Variants in USP18 observed in about 807,000 individuals in gnomAD.
The protein encoded by USP18 is ubiquitin specific peptidase 18, also known as ubl carboxyl-terminal hydrolase 18.
Under a neutral mutation model 48.7 loss-of-function variants are expected in USP18, and 11 were observed. That is an observed-to-expected ratio of 0.23 (90% CI 0.14 to 0.37). USP18 has a LOEUF of 0.37. USP18 is among the 10% of genes least tolerant of loss of function. The pLI is 1.00. For missense variants in USP18, 285 were observed against 436.4 expected, an observed-to-expected ratio of 0.65 and a Z score of 3.09; for synonymous variants, 114 against 163.2, an observed-to-expected ratio of 0.70 and a Z score of 2.30.
chr22:18,162,846 CTG>C (rs1929366644), intron 4 of USP18, among the ~76,000 whole-genome samples: 1 of 151,996 alleles, frequency 6.6e-6, no homozygotes, highest in South Asian at 2.1e-4. Context: ...CAACTCGTGA[CTG>C]TTATTTCTTT....
intron 1 of USP18, among the ~76,000 whole-genome samples, chr22:18,153,045 TAAG>T (rs752139115): frequency 9.8e-5 from 15 of 152,332 alleles, no homozygotes; most frequent in African/African-American, 3.4e-4. Context: ...CTGGGCCTTG[TAAG>T]AAGAACAACT....
At chr22:18,164,972 A>G (rs1929437519) in intron 4 of USP18, among the ~76,000 whole-genome samples, 1 of 151,500 alleles carries the variant, frequency 6.6e-6, no homozygotes, top group African/African-American at 2.4e-5. Context: ...AGCTTTTCCA[A>G]CCGGTTGCGA....
At chr22:18,169,813 T>A (rs1191009014) in intron 6 of USP18, 31 bp from the exon 7 acceptor site, 7 of 1,558,088 alleles carry the variant, frequency 4.5e-6, no homozygotes, top group Non-Finnish European at 6.1e-6. Flanking sequence ...ATACCAACGC[T>A]GCTTTTTCCC....
chr22:18,150,380 A>AT (rs1030726923), intron 1 of USP18, among the ~76,000 whole-genome samples, 158 bp downstream of exon 1: 2 of 152,194 alleles, frequency 1.3e-5, no homozygotes, highest in Non-Finnish European at 2.9e-5. Flanking sequence ...GGGCCAGTGA[A>AT]TTTTTTTCTA....
intron 8 of USP18, among the ~76,000 whole-genome samples, chr22:18,172,903 T>A (rs960589397): frequency 1.4e-5 from 2 of 146,396 alleles, no homozygotes; most frequent in African/African-American, 2.5e-5. Flanking sequence ...GCCTTGGCTT[T>A]GGGGGCCTCT....
intron 6 of USP18, among the ~76,000 whole-genome samples, chr22:18,169,567 C>T (rs1929570444): frequency 6.6e-6 from 1 of 152,132 alleles, no homozygotes; most frequent in African/African-American, 2.4e-5. Context: ...TGGTCTCTTG[C>T]ACCTGCTCCT....
Position 18,155,327 on chromosome 22 carries a change from G to A in USP18, c.-106-2231G>A, listed in dbSNP as rs115543262. Among the ~76,000 whole-genome samples, 535 of 152,322 alleles carry A rather than the reference G, an allele frequency of 3.5e-3. 3 individuals carry two copies. The highest frequency in any genetic ancestry group is 0.012 in the African/African-American group (519 of 41,580). On this transcript the variant is annotated intron_variant, in intron 1 of 10. Coordinates refer to ENST00000215794, the MANE Select transcript of USP18 (RefSeq NM_017414.4). Reference sequence around the variant, plus strand: ...CTGCCCAGTACTGGGTTTTACTGTAGTGAGCCTAGTCCTGGTGACAGGTGA... The same window carrying A: ...CTGCCCAGTACTGGGTTTTACTGTAATGAGCCTAGTCCTGGTGACAGGTGA...
intron 8 of USP18, among the ~76,000 whole-genome samples, chr22:18,172,331 C>T (rs545149246): frequency 2.6e-5 from 4 of 152,292 alleles, no homozygotes; most frequent in South Asian, 4.2e-4. Flanking sequence ...TTATGTATCC[C>T]TAAAGAATAA....
chr22:18,169,840 A>G lies in USP18; in HGVS notation c.628-4A>G, dbSNP rs1356310905. 1 of 1,584,860 alleles carries G rather than the reference A, an allele frequency of 6.3e-7. No homozygotes were observed. ...CTTTTTCCCTGTTCTCTTGGGTGGG[A>G]CAGGAGGACGCCCTGCACTGCTTCT... On this transcript the variant is annotated splice_polypyrimidine_tract_variant and splice_region_variant and intron_variant, in intron 6 of 10. Transcript: ENST00000215794.
intron 10 of USP18, among the ~76,000 whole-genome samples, chr22:18,174,823 T>C (rs1929738751): frequency 6.6e-6 from 1 of 152,242 alleles, no homozygotes; most frequent in Admixed American, 6.5e-5. Flanking sequence ...CTCAAACTGC[T>C]GGGCTCAAGC....
chr22:18,170,638 C>T (rs1929603922), intron 7 of USP18, 115 bp from the exon 8 acceptor site: 1 of 1,317,620 alleles, frequency 7.6e-7, no homozygotes, highest in East Asian at 2.4e-5. Context: ...GCCTTGAACT[C>T]CGTGATGTCG....
At chr22:18,169,229 C>T (rs1330662003) in intron 6 of USP18, among the ~76,000 whole-genome samples, 1 of 151,970 alleles carries the variant, frequency 6.6e-6, no homozygotes, top group Non-Finnish European at 1.5e-5. Flanking sequence ...GCACCATCCC[C>T]CGTGGTGCTG....
intron 4 of USP18, among the ~76,000 whole-genome samples, chr22:18,163,107 A>G (rs944932235): frequency 1.3e-4 from 19 of 151,320 alleles, no homozygotes; most frequent in African/African-American, 4.6e-4. Flanking sequence ...CAGCTCTGTT[A>G]TTTCTTTTGA....
intron 10 of USP18, among the ~76,000 whole-genome samples, chr22:18,174,457 C>T (rs1929726252): frequency 6.6e-6 from 1 of 152,102 alleles, no homozygotes; most frequent in South Asian, 2.1e-4. Flanking sequence ...GTCTCAGTCT[C>T]TTGACCTCAT....
chr22:18,154,769 T>G (rs1316879882), intron 1 of USP18, among the ~76,000 whole-genome samples: 1 of 152,192 alleles, frequency 6.6e-6, no homozygotes, highest in Non-Finnish European at 1.5e-5. Flanking sequence ...GGTTAGTCAC[T>G]GGCACCTTAA....
At chr22:18,166,080 G>A (rs978258216) in intron 4 of USP18, among the ~76,000 whole-genome samples, 2 of 152,102 alleles carry the variant, frequency 1.3e-5, no homozygotes, top group African/African-American at 2.4e-5. Flanking sequence ...AGCTCTACAC[G>A]CAGTGAGCAG....
At chr22:18,160,548 C>A (rs1929301552) in intron 3 of USP18, among the ~76,000 whole-genome samples, 2 of 152,118 alleles carry the variant, frequency 1.3e-5, no homozygotes, top group Admixed American at 1.3e-4. Flanking sequence ...GTGATCCACC[C>A]ACCTCAGCTT....
intron 8 of USP18, among the ~76,000 whole-genome samples, 180 bp from the exon 9 acceptor site, chr22:18,172,970 C>T (rs552214669): frequency 5.9e-5 from 9 of 151,276 alleles, no homozygotes; most frequent in East Asian, 2.0e-4. Context: ...GCTGAGCCTT[C>T]GCAGTTCAGG....
At chr22:18,169,014 A>G (rs1420003782) in intron 6 of USP18, among the ~76,000 whole-genome samples, 3 of 151,978 alleles carry the variant, frequency 2.0e-5, no homozygotes, top group African/African-American at 7.3e-5. Flanking sequence ...GGACCACACC[A>G]GGCCAGGCAT....
Sources: gnomAD v4.1 joint callset for allele counts (sites outside exome capture counted in the v4.1 genomes callset) on GRCh38, gnomAD v4.1.1 for gene constraint, MANE v1.5 for transcripts, NCBI Gene and HGNC (gene_info 2026-07-23, HGNC 2026-07-21) for gene names.